STRBP: variants seen among roughly 807,000 people sequenced by gnomAD.
STRBP encodes the protein spermatid perinuclear RNA-binding protein.
In STRBP, 13 loss-of-function variants were observed where a neutral mutation model predicts 80.1. The ratio of observed to expected loss-of-function variants is 0.16; its 90% CI spans 0.11 to 0.26. The LOEUF is 0.26. Ranked by LOEUF, STRBP falls within the 10% of genes least tolerant of loss-of-function variation. The pLI is 1.00. For missense variants in STRBP, 485 were observed against 815.2 expected, an observed-to-expected ratio of 0.59 and a Z score of 4.93; for synonymous variants, 284 against 291.2, an observed-to-expected ratio of 0.98 and a Z score of 0.25.
intron 2 of STRBP, among the ~76,000 whole-genome samples, chr9:123,196,312 GGCAATGCTGTATTGAGTAATGCCCCACA>G (rs529846463): frequency 6.6e-6 from 1 of 152,090 alleles, no homozygotes; most frequent in Non-Finnish European, 1.5e-5. Flanking sequence ...CATTGGACTG[GGCAATGCTGTATTGAGTAATGCCCCACA>G]GCAAAGGCCA....
chr9:123,210,676 A>G (rs766987284), intron 2 of STRBP, among the ~76,000 whole-genome samples: 9 of 152,090 alleles, frequency 5.9e-5, no homozygotes, highest in Non-Finnish European at 1.2e-4. Flanking sequence ...AAAATACACA[A>G]AAATTAGCTG....
intron 12 of STRBP, 100 bp downstream of exon 12, chr9:123,147,677 CA>C (rs551381831): frequency 0.17 from 62,178 of 371,544 alleles, 38 homozygotes; most frequent in South Asian, 0.2. Flanking sequence ...GAACCGATCT[CA>C]AAAAAAAAAA....
rs894916691 is a variant in STRBP, at chr9:123,146,966, C to A, written c.1227G>T (p.Gln409His). 4 of 1,614,034 alleles carry A rather than the reference C, an allele frequency of 2.5e-6. No homozygotes were observed. Among genetic ancestry groups the A allele is most frequent in the Non-Finnish European group, 3.4e-6 (4 of 1,179,992 alleles). ...AGACTGGGGCATGAACGGGGCCAGA[C>A]TGAGATAGGAGCTTATACTGAAGCC... ...RPGLQYKLLSQSGPVHAPVFT... is the reference protein window; with the variant it reads ...RPGLQYKLLSHSGPVHAPVFT... Residue 409 changes from glutamine to histidine, a missense_variant, in exon 13 of 19, where the codon CAG (glutamine) becomes CAT (histidine). Gln to His is a conservative substitution (Grantham distance 24). Coordinates refer to ENST00000348403, the MANE Select transcript of STRBP (RefSeq NM_018387.5).
Position 123,184,212 on chromosome 9 carries a change from G to T in STRBP, c.-78C>A. On this transcript the variant is annotated 5_prime_UTR_variant, in exon 3 of 19. It introduces an in-frame stop codon into an upstream open reading frame of the 5' UTR. Transcript: ENST00000348403. ...TCGTCTTCACTAGACACTGTTTTGT[G>T]TAACAATACCTCCTCATAAGCCTGA... 6.9e-7 allele frequency: 1 copy of T among 1,454,272 alleles called. No individual in the cohort carries two copies. The allele number at this position is 1,454,272 out of a possible 1,614,324, so 90.1% of individuals were successfully genotyped here. A position where few individuals can be genotyped will look rare whatever the true frequency, so the allele number is the denominator to read the frequency against.
intron 1 of STRBP, among the ~76,000 whole-genome samples, chr9:123,239,402 A>G (rs766216599): frequency 1.3e-5 from 2 of 152,048 alleles, no homozygotes; most frequent in Non-Finnish European, 2.9e-5. Context: ...TGGAATGCCT[A>G]TCGGGCTTTC....
At chr9:123,230,848 A>G (rs1386808034) in intron 2 of STRBP, among the ~76,000 whole-genome samples, 1 of 152,236 alleles carries the variant, frequency 6.6e-6, no homozygotes, top group Non-Finnish European at 1.5e-5. Context: ...CATTATTTTA[A>G]TGAAAAGCGT....
intron 2 of STRBP, among the ~76,000 whole-genome samples, chr9:123,235,387 A>C (rs2040526685): frequency 6.6e-6 from 1 of 151,370 alleles, no homozygotes; most frequent in African/African-American, 2.4e-5. Flanking sequence ...AAAACCACTG[A>C]AAGAATGCTA....
At chr9:123,167,536 A>G (rs575215288) in intron 6 of STRBP, among the ~76,000 whole-genome samples, 21 of 152,226 alleles carry the variant, frequency 1.4e-4, no homozygotes, top group African/African-American at 4.8e-4. Flanking sequence ...AAAATCAAAA[A>G]TTGTCTTTGA....
intron 2 of STRBP, among the ~76,000 whole-genome samples, chr9:123,205,405 G>A (rs2039478424): frequency 6.6e-6 from 1 of 152,140 alleles, no homozygotes; most frequent in African/African-American, 2.4e-5. Flanking sequence ...TTGCCATTCT[G>A]TACCACAGAG....
chr9:123,212,150 C>T (rs1056365035), intron 2 of STRBP, among the ~76,000 whole-genome samples: 1 of 152,066 alleles, frequency 6.6e-6, no homozygotes, highest in Non-Finnish European at 1.5e-5. Flanking sequence ...ACAACTCAGC[C>T]ACTTAATAAA....
rs5900563 is a variant in STRBP at position 123,123,532 on chromosome 9, T to TAAAAAAAAAAA, written c.*2054_*2064dup. On this transcript the variant is annotated 3_prime_UTR_variant, in exon 19 of 19. Coordinates refer to ENST00000348403, the MANE Select transcript of STRBP (RefSeq NM_018387.5). ...AGTAACTTCCAACAAACAACAAAAT[T>TAAAAAAAAAAA]AAAAAAAAAAAAAAAAGACTTGGTA... 1.8e-6 allele frequency: 1 copy of TAAAAAAAAAAA among 568,534 alleles called. No individual in the cohort carries two copies. The allele number at this position is 568,534 out of a possible 1,614,324, so 35.2% of individuals were successfully genotyped here. A position where few individuals can be genotyped will look rare whatever the true frequency, so the allele number is the denominator to read the frequency against.
At chr9:123,179,379 G>A (rs1455291369) in intron 3 of STRBP, 152 bp from the exon 4 acceptor site, 1 of 630,978 alleles carries the variant, frequency 1.6e-6, no homozygotes, top group Non-Finnish European at 2.7e-6. Context: ...TCCAGCGTGG[G>A]AAGTAAAATC....
intron 18 of STRBP, among the ~76,000 whole-genome samples, chr9:123,127,504 T>C (rs1189667632): frequency 1.3e-5 from 2 of 152,230 alleles, no homozygotes; most frequent in African/African-American, 4.8e-5. Context: ...TCTAAGAGCA[T>C]ATCACTGACT....
At chr9:123,193,790 T>C (rs2039004533) in intron 2 of STRBP, among the ~76,000 whole-genome samples, 1 of 152,166 alleles carries the variant, frequency 6.6e-6, no homozygotes, top group South Asian at 2.1e-4. Flanking sequence ...CAGCAACTGC[T>C]TCTCTTTCCT....
At chr9:123,120,013 A>G (rs1012403702), downstream of STRBP, among the ~76,000 whole-genome samples, 2 of 152,328 alleles carry the variant, frequency 1.3e-5, no homozygotes, top group South Asian at 4.1e-4. Flanking sequence ...AAGGATATCT[A>G]TTCTTACAAC....
chr9:123,152,084 C>T (rs910193560), intron 11 of STRBP, among the ~76,000 whole-genome samples: 3 of 151,976 alleles, frequency 2.0e-5, no homozygotes, highest in African/African-American at 7.2e-5. Context: ...CTTAGAAAAA[C>T]ATAGCTTACC....
chr9:123,135,051 A>AATAT (rs2036295770), intron 16 of STRBP, among the ~76,000 whole-genome samples: 1 of 152,238 alleles, frequency 6.6e-6, no homozygotes, highest in South Asian at 2.1e-4. Context: ...TGAGATGGAT[A>AATAT]CAATATGCAA....
At chr9:123,153,602 A>G (rs547426370) in intron 11 of STRBP, among the ~76,000 whole-genome samples, 2 of 152,320 alleles carry the variant, frequency 1.3e-5, no homozygotes, top group African/African-American at 4.8e-5. Context: ...GAGAGTTTCC[A>G]ATGACTGGGA....
intron 17 of STRBP, among the ~76,000 whole-genome samples, chr9:123,130,900 C>CT (rs2036109061): frequency 6.6e-6 from 1 of 152,102 alleles, no homozygotes; most frequent in African/African-American, 2.4e-5. Context: ...CTCCCCCTTT[C>CT]TTCTTCCCTG....
Sources: gnomAD v4.1 joint callset for allele counts (sites outside exome capture counted in the v4.1 genomes callset) on GRCh38, gnomAD v4.1.1 for gene constraint, MANE v1.5 for transcripts, NCBI Gene and HGNC (gene_info 2026-07-23, HGNC 2026-07-21) for gene names.